The following SHOX variants were observed in gnomAD, a reference collection of about 807,000 sequenced individuals.
The protein encoded by SHOX is SHOX homeobox.
Under a neutral mutation model 29.6 loss-of-function variants are expected in SHOX, and 12 were observed. That is an observed-to-expected ratio of 0.41 (90% CI 0.26 to 0.66). The LOEUF is 0.66. Ranked by LOEUF, SHOX falls within the 30% of genes least tolerant of loss-of-function variation. The pLI, the probability that SHOX is intolerant of heterozygous loss-of-function variation, is 0.35. For synonymous variants in SHOX, 214 were observed against 200.6 expected, an observed-to-expected ratio of 1.07 and a Z score of -0.57; for missense variants, 499 against 437.7, an observed-to-expected ratio of 1.14 and a Z score of -1.25.
downstream of SHOX, among the ~76,000 whole-genome samples, chrX:652,025 C>T (rs976207982): frequency 6.6e-6 from 1 of 152,036 alleles, no homozygotes; most frequent in Non-Finnish European, 1.5e-5. Flanking sequence ...CGGGTTCAAG[C>T]GACTCTCCTG....
rs964925213 is a variant in SHOX, at chrX:648,416, A to G, written c.*3780A>G. Among the ~76,000 whole-genome samples the G allele has an allele frequency of 3.0e-4, 46 of 152,276 alleles. No individual in the cohort carries two copies. The Middle Eastern group carries it at 0.017, about 56-fold the overall frequency. On this transcript the variant is annotated 3_prime_UTR_variant, in exon 5 of 5. Transcript: ENST00000686671. The stretch of plus-strand genomic sequence containing the variant: ...ATTTTTTTGCATTTTTGGTAGAGAC[A>G]GGTTTTTGCTGTGTTGGCCCGGCTG...
intron 2 of SHOX, among the ~76,000 whole-genome samples, chrX:638,529 G>A (rs1410186421): frequency 6.6e-6 from 1 of 152,180 alleles, no homozygotes; most frequent in African/African-American, 2.4e-5. Flanking sequence ...GGGCCTTTTT[G>A]GCGGGGGTGT....
downstream of SHOX, among the ~76,000 whole-genome samples, chrX:652,340 A>ATTTTTTTTTTTTT (rs746162755): frequency 7.4e-6 from 1 of 135,160 alleles, no homozygotes; most frequent in African/African-American, 2.8e-5. Context: ...AAAATGACAA[A>ATTTTTTTTTTTTT]TTTTTTTTTT....
Position 649,911 on chromosome X carries a change from C to A in SHOX, c.*5275C>A, listed in dbSNP as rs755078749. 21 of 455,888 alleles carry A rather than the reference C, an allele frequency of 4.6e-5. No homozygotes were observed. The East Asian group carries it at 1.3e-3, about 29-fold the overall frequency. 28.2% of individuals were successfully genotyped at this position (455,888 alleles called of 1,614,324 possible). ...ATCTGTTTCTGACATATCCACTTTT[C>A]TCTCTCTTTTCTCTCTCTCTGACTG... is the stretch of plus-strand genomic sequence containing the variant. On this transcript the variant is annotated 3_prime_UTR_variant, in exon 5 of 5. Coordinates refer to ENST00000686671, the MANE Select transcript of SHOX (RefSeq NM_000451.4).
chrX:641,709 A>G (rs959269354), intron 4 of SHOX, among the ~76,000 whole-genome samples: 3 of 147,266 alleles, frequency 2.0e-5, no homozygotes, highest in Non-Finnish European at 3.0e-5. Context: ...AAAAAAAATC[A>G]GGCTGTAAAA....
At chrX:624,725 CTTTCTTTCTTTCTTTT>C (rs1374995278) in intron 1 of SHOX, 3 of 136,854 alleles carry the variant, frequency 2.2e-5, no homozygotes, top group Non-Finnish European at 4.7e-5. Flanking sequence ...TTCTTTCTTT[CTTTCTTTCTTTCTTTT>C]CTTTCTTCCT....
At chrX:651,832 C>T (rs141154316), downstream of SHOX, among the ~76,000 whole-genome samples, 3,911 of 152,004 alleles carry the variant, frequency 0.026, 158 homozygotes, top group South Asian at 0.12. Flanking sequence ...CAGCCAACGT[C>T]CCCCCAGAAG....
rs993120561 is a variant in SHOX, at chrX:650,666, G to A, written c.*6030G>A. Among the ~76,000 whole-genome samples, 3 of 151,408 alleles carry A rather than the reference G, an allele frequency of 2.0e-5. No homozygotes were observed. Among genetic ancestry groups the A allele is most frequent in the Admixed American group, 6.6e-5 (1 of 15,152 alleles). Reference sequence around the variant, plus strand: ...TCCACAGTTTTCCCGGGGACATAGCGAGGATGGCACACGGCAGCCACTCCC... The same window carrying A: ...TCCACAGTTTTCCCGGGGACATAGCAAGGATGGCACACGGCAGCCACTCCC... On this transcript the variant is annotated 3_prime_UTR_variant, in exon 5 of 5. Transcript: ENST00000686671.
At chrX:633,307 A>G (rs1379781722) in intron 1 of SHOX, among the ~76,000 whole-genome samples, 2 of 152,100 alleles carry the variant, frequency 1.3e-5, no homozygotes, top group Admixed American at 6.6e-5. Flanking sequence ...GTTGGGCTCA[A>G]TTCCTGGGGT....
At chrX:658,394 G>A (rs1163212558) in intron 5 of SHOX, among the ~76,000 whole-genome samples, 1 of 151,870 alleles carries the variant, frequency 6.6e-6, no homozygotes, top group African/African-American at 2.4e-5. Context: ...AGAAAAAGTC[G>A]ACCTATCATT....
chrX:651,408 AACAG>A lies in SHOX; in HGVS notation c.*6774_*6777del. On this transcript the variant is annotated 3_prime_UTR_variant, in exon 5 of 5. Transcript: ENST00000686671. ...GGGGTAGAAAAAAAACAAACAAACA[AACAG>A]AAAAAAAAACCAAAAAAAACCACCC... The A allele has an allele frequency of 2.3e-6, 1 of 425,958 alleles. No homozygotes were observed. The highest frequency in any genetic ancestry group is 4.7e-6 in the Non-Finnish European group (1 of 214,702). The allele number at this position is 425,958 out of a possible 1,614,324, so 26.4% of individuals were successfully genotyped here. A position where few individuals can be genotyped will look rare whatever the true frequency, so the allele number is the denominator to read the frequency against.
chrX:634,847 G>C (rs368313098), intron 2 of SHOX, 21 bp downstream of exon 2: 1 of 1,549,266 alleles, frequency 6.5e-7, no homozygotes, highest in Admixed American at 2.0e-5. Context: ...GGGGGCGGGG[G>C]CGGGGGGCCC....
At chrX:631,534 G>C (rs946535705) in intron 1 of SHOX, among the ~76,000 whole-genome samples, 1 of 151,560 alleles carries the variant, frequency 6.6e-6, no homozygotes, top group African/African-American at 2.4e-5. Flanking sequence ...TCCTTTTTTT[G>C]TTTGTTTGTT....
rs73190330 is a variant in SHOX at position 650,393 on chromosome X, G to A, written c.*5757G>A. Among the ~76,000 whole-genome samples the A allele has an allele frequency of 0.13, 19,550 of 152,076 alleles. 1,353 individuals carry two copies. The highest frequency in any genetic ancestry group is 0.2 in the South Asian group (972 of 4,828). ...CATTTCCTTGGAAGCCTGAGTTTCTGTTCTGGTCTTGCTGCTGTCCTTGGC... is the reference window on the plus strand; with the variant it reads ...CATTTCCTTGGAAGCCTGAGTTTCTATTCTGGTCTTGCTGCTGTCCTTGGC... On this transcript the variant is annotated 3_prime_UTR_variant, in exon 5 of 5. Coordinates refer to ENST00000686671, the MANE Select transcript of SHOX (RefSeq NM_000451.4).
chrX:645,016 G>A lies in SHOX; in HGVS notation c.*380G>A. The A allele has an allele frequency of 4.6e-6, 1 of 218,634 alleles. No homozygotes were observed. The highest frequency in any genetic ancestry group is 5.9e-5 in the Admixed American group (1 of 17,012). 13.5% of individuals were successfully genotyped at this position (218,634 alleles called of 1,614,324 possible). On this transcript the variant is annotated 3_prime_UTR_variant, in exon 5 of 5. Transcript: ENST00000686671. ...AAGATCCTTAGAGTCTATTGAAACT[G>A]CAAAGATCCCGGAGCTGGTCTCCGA...
In SHOX at chrX:649,286, G is replaced by A. The variant is rs112320676; in HGVS notation, c.*4650G>A. On this transcript the variant is annotated 3_prime_UTR_variant, in exon 5 of 5. Transcript: ENST00000686671. Reference sequence around the variant, plus strand: ...ACTCCTGACCTCACATGATCCACCCGCCTCAGCCTCCCAGAGTGCTGGGAT... The same window carrying A: ...ACTCCTGACCTCACATGATCCACCCACCTCAGCCTCCCAGAGTGCTGGGAT... 3.7e-3 allele frequency among the ~76,000 whole-genome samples: 560 copies of A among 152,116 alleles called. 4 individuals carry two copies. Among genetic ancestry groups the A allele is most frequent in the Middle Eastern group, 0.02 (6 of 294 alleles).
At chrX:652,224 T>G (rs950818567), downstream of SHOX, among the ~76,000 whole-genome samples, 4 of 152,150 alleles carry the variant, frequency 2.6e-5, no homozygotes, top group African/African-American at 9.7e-5. Flanking sequence ...TTGTTCCAGT[T>G]TTCGACAGTG....
intron 2 of SHOX, among the ~76,000 whole-genome samples, chrX:638,275 C>T (rs765987576): frequency 6.6e-5 from 10 of 151,832 alleles, no homozygotes; most frequent in Non-Finnish European, 1.3e-4. Flanking sequence ...TTTCCTCTCG[C>T]CGTGTTGAAG....
Position 631,074 on chromosome X carries a change from C to G in SHOX, c.177C>G (p.Ile59Met). 3 of 1,613,750 alleles carry G rather than the reference C, an allele frequency of 1.9e-6. No homozygotes were observed. Among genetic ancestry groups the G allele is most frequent in the Non-Finnish European group, 2.5e-6 (3 of 1,179,860 alleles). Residue 59 changes from isoleucine (I) to methionine (M), a missense_variant, in exon 1 of 5, where the codon ATC becomes ATG. Physicochemically the swap from Ile to Met is conservative, Grantham distance 10 (BLOSUM62 1). Coordinates refer to ENST00000686671, the MANE Select transcript of SHOX (RefSeq NM_000451.4). ...LGTSDSSLQD[I>M]TEGGGHCPVH... ...CGTCGGATTCCAGCCTCCAGGACAT[C>G]ACGGAGGGCGGCGGCCACTGCCCGG... is the stretch of plus-strand genomic sequence containing the variant.
Sources: gnomAD v4.1 joint callset for allele counts (sites outside exome capture counted in the v4.1 genomes callset) on GRCh38, gnomAD v4.1.1 for gene constraint, MANE v1.5 for transcripts, NCBI Gene and HGNC (gene_info 2026-07-23, HGNC 2026-07-21) for gene names.